LRP1B: variants seen among roughly 807,000 people sequenced by gnomAD.
The protein encoded by LRP1B is low-density lipoprotein receptor-related protein 1B.
Under a neutral mutation model 556.6 loss-of-function variants are expected in LRP1B, and 217 were observed. The ratio of observed to expected loss-of-function variants is 0.39; its 90% CI spans 0.35 to 0.44. LRP1B has a LOEUF of 0.44. LRP1B is among the 20% of genes least tolerant of loss of function. The probability of loss-of-function intolerance (pLI) is 1.00; values close to 1 mark genes in which losing one functional copy is unlikely to be tolerated. For missense variants in LRP1B, 5,053 were observed against 5,620.8 expected, an observed-to-expected ratio of 0.90 and a Z score of 3.23; for synonymous variants, 2,047 against 1,865.8, an observed-to-expected ratio of 1.10 and a Z score of -2.50.
chr2:140,702,459 C>T lies in LRP1B; in HGVS notation c.6118G>A (p.Ala2040Thr), dbSNP rs1686683524. Residue 2040 changes from alanine to threonine, a missense_variant, in exon 38 of 91, where the codon GCA (alanine) becomes ACA (threonine). Ala to Thr is a moderately conservative substitution (Grantham distance 58). Coordinates refer to ENST00000389484, the MANE Select transcript of LRP1B (RefSeq NM_018557.3). ...EKVVLVSMGI[A>T]WPNGISIDYE... ...TCGATGGAGATGCCATTCGGCCATG[C>T]TATTCCCATGCTTACAAGGACAACC... 5.6e-6 allele frequency: 9 copies of T among 1,613,550 alleles called. No individual in the cohort carries two copies. The highest frequency in any genetic ancestry group is 7.6e-6 in the Non-Finnish European group (9 of 1,179,688).
chr2:141,282,528 T>G (rs559457438), intron 3 of LRP1B, among the ~76,000 whole-genome samples: 2 of 151,628 alleles, frequency 1.3e-5, no homozygotes, highest in Admixed American at 1.3e-4. Flanking sequence ...TCTATATAGG[T>G]TCAAAGGAAG....
intron 7 of LRP1B, among the ~76,000 whole-genome samples, chr2:141,184,218 A>G (rs1681134986): frequency 6.6e-6 from 1 of 152,112 alleles, no homozygotes; most frequent in Admixed American, 6.6e-5. Flanking sequence ...TAATCCAAAT[A>G]TATCTTGCAT....
In LRP1B at chr2:140,763,153, G is replaced by T. The variant is rs532682185; in HGVS notation, c.5758+6060C>A. On this transcript the variant is annotated intron_variant, in intron 35 of 90. Transcript: ENST00000389484. ...TGTTTTAGCTGGATGTTGCCGGTGG[G>T]TTAAGACACTGTGATCTGCTCAAAC... is the stretch of plus-strand genomic sequence containing the variant. Among the ~76,000 whole-genome samples, 48 of 152,148 alleles carry T rather than the reference G, an allele frequency of 3.2e-4. 1 individual carries two copies. The highest frequency in any genetic ancestry group is 3.4e-3 in the Middle Eastern group (1 of 294).
chr2:140,401,456 C>A (rs1330032089), intron 66 of LRP1B, among the ~76,000 whole-genome samples: 1 of 152,136 alleles, frequency 6.6e-6, no homozygotes, highest in Non-Finnish European at 1.5e-5. Flanking sequence ...TCCACTGGAA[C>A]ATTATTACCT....
chr2:140,234,689 C>G, intron 90 of LRP1B, 97 bp downstream of exon 90: 1 of 605,218 alleles, frequency 1.7e-6, no homozygotes, highest in South Asian at 2.2e-5. Flanking sequence ...TAATTAAAAA[C>G]TTAATTAAAA....
At chr2:141,515,790 GC>G (rs1684293695) in intron 2 of LRP1B, among the ~76,000 whole-genome samples, 1 of 152,034 alleles carries the variant, frequency 6.6e-6, no homozygotes, top group African/African-American at 2.4e-5. Context: ...GTTTATTATG[GC>G]TAACTAAACA....
Position 141,555,340 on chromosome 2 carries a change from A to G in LRP1B, c.206-74807T>C, listed in dbSNP as rs549095249. Among the ~76,000 whole-genome samples, 18 of 152,084 alleles carry G rather than the reference A, an allele frequency of 1.2e-4. No individual in the cohort carries two copies. In the South Asian group the frequency reaches 3.7e-3, roughly 32 times the overall value. ...ACTGTCAAATTACTTAGCCACAATT[A>G]TATGTGTAACTAAGTAAATAAAAAT... On this transcript the variant is annotated intron_variant, in intron 2 of 90. Transcript: ENST00000389484.
chr2:142,099,044 T>C (rs192034575), intron 1 of LRP1B, among the ~76,000 whole-genome samples: 1 of 151,982 alleles, frequency 6.6e-6, no homozygotes, highest in Admixed American at 6.6e-5. Context: ...AGGCAATAAC[T>C]TGGTGCATTT....
chr2:140,783,896 C>T (rs1340624196), intron 32 of LRP1B, among the ~76,000 whole-genome samples: 1 of 152,164 alleles, frequency 6.6e-6, no homozygotes, highest in Non-Finnish European at 1.5e-5. Context: ...TCTCAAATTT[C>T]AGCATGAATT....
intron 2 of LRP1B, among the ~76,000 whole-genome samples, chr2:141,522,751 T>C (rs1169556188): frequency 1.3e-5 from 2 of 152,132 alleles, no homozygotes; most frequent in South Asian, 2.1e-4. Flanking sequence ...ACTGAATCAA[T>C]GAAAAATTGC....
intron 7 of LRP1B, among the ~76,000 whole-genome samples, chr2:141,149,950 G>C (rs143096286): frequency 2.0e-5 from 3 of 152,302 alleles, no homozygotes; most frequent in East Asian, 1.9e-4. Flanking sequence ...TGGTAGACTA[G>C]TGTCTCTCAC....
chr2:141,850,069 C>T (rs1697792569), intron 1 of LRP1B, among the ~76,000 whole-genome samples: 1 of 151,600 alleles, frequency 6.6e-6, no homozygotes, highest in South Asian at 2.1e-4. Flanking sequence ...TTATGTTTAC[C>T]ACCTGGGTTT....
Position 140,886,282 on chromosome 2 carries a change from C to T in LRP1B, c.3820G>A (p.Asp1274Asn), listed in dbSNP as rs2105192626. Reference sequence around the variant, plus strand: ...AGACTATAGTCTCTTTTGTGAAGATCAATCCTTCTGATCTCATGACGAATA... The same window carrying T: ...AGACTATAGTCTCTTTTGTGAAGATTAATCCTTCTGATCTCATGACGAATA... The part of the protein sequence containing the change: ...FSIRHEIRRI[D>N]LHKRDYSLLV... Residue 1274 changes from aspartate (D) to asparagine (N), a missense_variant, in exon 24 of 91, where the codon GAT (aspartate) becomes AAT (asparagine). Asp to Asn is a conservative substitution (Grantham distance 23). Transcript: ENST00000389484. The T allele has an allele frequency of 6.2e-7, 1 of 1,609,044 alleles. No individual in the cohort carries two copies. The highest frequency in any genetic ancestry group is 8.5e-7 in the Non-Finnish European group (1 of 1,176,784).
chr2:140,832,745 C>G (rs1382929394), intron 31 of LRP1B, among the ~76,000 whole-genome samples: 1 of 151,902 alleles, frequency 6.6e-6, no homozygotes, highest in Non-Finnish European at 1.5e-5. Context: ...GGAGAAGGAA[C>G]AAAGGAGTAG....
intron 7 of LRP1B, among the ~76,000 whole-genome samples, chr2:141,109,085 C>A (rs1270221223): frequency 6.6e-6 from 1 of 152,176 alleles, no homozygotes; most frequent in Non-Finnish European, 1.5e-5. Context: ...TGTAAGATGT[C>A]TTTCTAGACT....
intron 1 of LRP1B, among the ~76,000 whole-genome samples, chr2:141,814,702 A>G (rs1696472350): frequency 6.6e-6 from 1 of 152,230 alleles, no homozygotes; most frequent in African/African-American, 2.4e-5. Context: ...TGGTTTGGAG[A>G]CATCCAAGAA....
At chr2:141,288,580 A>C (rs1305710301) in intron 3 of LRP1B, among the ~76,000 whole-genome samples, 1 of 152,186 alleles carries the variant, frequency 6.6e-6, no homozygotes, top group Admixed American at 6.5e-5. Flanking sequence ...AACTTCTGTA[A>C]ACAAGGAGCT....
intron 21 of LRP1B, among the ~76,000 whole-genome samples, chr2:140,909,203 T>A (rs1451326987): frequency 6.6e-6 from 1 of 152,198 alleles, no homozygotes; most frequent in African/African-American, 2.4e-5. Flanking sequence ...TGTTCAGGTG[T>A]AATATACATT....
At chr2:140,723,938 A>G (rs567030395) in intron 35 of LRP1B, among the ~76,000 whole-genome samples, 24 of 152,332 alleles carry the variant, frequency 1.6e-4, no homozygotes, top group African/African-American at 5.3e-4. Context: ...ACCTTCTGCC[A>G]TAAACAGTTC....
Sources: gnomAD v4.1 joint callset for allele counts (sites outside exome capture counted in the v4.1 genomes callset) on GRCh38, gnomAD v4.1.1 for gene constraint, MANE v1.5 for transcripts, NCBI Gene and HGNC (gene_info 2026-07-23, HGNC 2026-07-21) for gene names.